The following MARCHF6 variants were observed in gnomAD, a reference collection of about 807,000 sequenced individuals.
MARCHF6 encodes E3 ubiquitin-protein ligase MARCHF6.
MARCHF6 carries 31 observed loss-of-function variants against 133.7 expected under a neutral mutation model. The ratio of observed to expected loss-of-function variants is 0.23; its 90% CI spans 0.17 to 0.31. The LOEUF is 0.31. Ranked by LOEUF, MARCHF6 falls within the 10% of genes least tolerant of loss-of-function variation. MARCHF6 has a pLI of 1.00. For missense variants in MARCHF6, 723 were observed against 1,121.6 expected, an observed-to-expected ratio of 0.64 and a Z score of 5.08; for synonymous variants, 395 against 402.5, an observed-to-expected ratio of 0.98 and a Z score of 0.22.
rs538481727 is a variant in MARCHF6, at chr5:10,394,262, T to G, written c.828+119T>G. On this transcript the variant is annotated intron_variant, in intron 8 of 25. Coordinates refer to ENST00000274140, the MANE Select transcript of MARCHF6 (RefSeq NM_005885.4). ...TACAGTTGATGAAAAGTTACTAGAA[T>G]TTTCATTCCTAGTGAAAGTTAAGTG... is the stretch of plus-strand genomic sequence containing the variant. 4.4e-4 allele frequency: 229 copies of G among 522,242 alleles called. 1 individual carries two copies. Among genetic ancestry groups the G allele is most frequent in the Non-Finnish European group, 6.5e-4 (206 of 316,176 alleles). The allele number at this position is 522,242 out of a possible 1,614,324, so 32.4% of individuals were successfully genotyped here.
rs180813452 is a variant in MARCHF6 at position 10,391,347 on chromosome 5, G to A, written c.577-195G>A. On this transcript the variant is annotated intron_variant, in intron 6 of 25. Coordinates refer to ENST00000274140, the MANE Select transcript of MARCHF6 (RefSeq NM_005885.4). ...AGGGTCTTGCTGTGCTGGCCAGGCT[G>A]GTCTTGAACTCTTGAGCTCAAGCAA... is the stretch of plus-strand genomic sequence containing the variant. Among the ~76,000 whole-genome samples the A allele has an allele frequency of 3.3e-5, 5 of 150,512 alleles. No individual in the cohort carries two copies. In the East Asian group the frequency reaches 1.0e-3, roughly 30 times the overall value.
intron 22 of MARCHF6, 105 bp downstream of exon 22, chr5:10,417,509 G>A: frequency 6.9e-7 from 1 of 1,452,810 alleles, no homozygotes; most frequent in Non-Finnish European, 9.5e-7. Flanking sequence ...ACTTTGGGAG[G>A]CTGAGGTGGG....
intron 1 of MARCHF6, among the ~76,000 whole-genome samples, chr5:10,368,024 A>G (rs767709343): frequency 7.9e-5 from 12 of 152,110 alleles, no homozygotes; most frequent in Non-Finnish European, 1.5e-4. Context: ...TACGAATCTG[A>G]TGGGGGGGAG....
intron 16 of MARCHF6, among the ~76,000 whole-genome samples, chr5:10,405,951 C>T (rs985722510): frequency 2.0e-5 from 3 of 152,048 alleles, no homozygotes; most frequent in African/African-American, 7.3e-5. Flanking sequence ...TGGCTGGGTA[C>T]TGGTGCATGT....
chr5:10,439,811 C>G lies in MARCHF6; in HGVS notation c.*6127C>G, dbSNP rs1234347648. The G allele has an allele frequency of 6.6e-6, 1 of 152,574 alleles. No homozygotes were observed. The highest frequency in any genetic ancestry group is 1.5e-5 in the Non-Finnish European group (1 of 68,218). 9.5% of individuals were successfully genotyped at this position (152,574 alleles called of 1,614,324 possible). On this transcript the variant is annotated 3_prime_UTR_variant, in exon 26 of 26. Transcript: ENST00000274140. Reference sequence around the variant, plus strand: ...GGGCAAAACATGAAGCACCCCTTTTCTCCCTTCTCTGACCCCATCACCTCT... The same window carrying G: ...GGGCAAAACATGAAGCACCCCTTTTGTCCCTTCTCTGACCCCATCACCTCT...
intron 1 of MARCHF6, among the ~76,000 whole-genome samples, chr5:10,369,608 C>G (rs868736440): frequency 4.9e-5 from 1 of 20,600 alleles, no homozygotes; most frequent in African/African-American, 9.8e-5. Flanking sequence ...CCATTACCCC[C>G]CCCCCCCCTT....
chr5:10,428,697 C>T (rs778095686), intron 24 of MARCHF6, among the ~76,000 whole-genome samples: 17 of 152,272 alleles, frequency 1.1e-4, no homozygotes, highest in Admixed American at 7.8e-4. Flanking sequence ...CTCTTTAGAA[C>T]AATCTCTTTA....
chr5:10,405,336 C>G (rs996158662), intron 15 of MARCHF6, among the ~76,000 whole-genome samples: 1 of 151,978 alleles, frequency 6.6e-6, no homozygotes, highest in Non-Finnish European at 1.5e-5. Context: ...TCCCCCGCCC[C>G]TAGTGAATGA....
rs758120721 is a variant in MARCHF6 at position 10,410,132 on chromosome 5, C to CT, written c.1554-4dup. The stretch of plus-strand genomic sequence containing the variant: ...ACAATTCACATTATAAATCCTGCCT[C>CT]TTTCAGTGATGCTCCAGTGAGTGAA... On this transcript the variant is annotated splice_region_variant and splice_polypyrimidine_tract_variant and intron_variant, in intron 17 of 25. Coordinates refer to ENST00000274140, the MANE Select transcript of MARCHF6 (RefSeq NM_005885.4). 7.0e-5 allele frequency: 113 copies of CT among 1,613,462 alleles called. 2 individuals carry two copies. In the Middle Eastern group the frequency reaches 4.5e-3, roughly 64 times the overall value.
intron 1 of MARCHF6, among the ~76,000 whole-genome samples, chr5:10,369,633 C>A (rs1329834311): frequency 9.0e-6 from 1 of 111,028 alleles, no homozygotes; most frequent in Non-Finnish European, 1.7e-5. Context: ...ATATCCTTTA[C>A]CCTTTTATGG....
At chr5:10,424,721 G>C (rs1044382036) in intron 23 of MARCHF6, among the ~76,000 whole-genome samples, 4 of 152,264 alleles carry the variant, frequency 2.6e-5, no homozygotes, top group Non-Finnish European at 4.4e-5. Context: ...GATTTGGAGT[G>C]GGGGAAAGGT....
chr5:10,395,167 T>C (rs1738116914), intron 9 of MARCHF6, among the ~76,000 whole-genome samples: 2 of 152,232 alleles, frequency 1.3e-5, no homozygotes, highest in Non-Finnish European at 2.9e-5. Context: ...ATTTATAGTA[T>C]GTAGTAAAGG....
chr5:10,436,318 G>T lies in MARCHF6; in HGVS notation c.*2634G>T, dbSNP rs1240291460. The T allele has an allele frequency of 6.6e-6, 1 of 151,910 alleles. No individual in the cohort carries two copies. 9.4% of individuals were successfully genotyped at this position (151,910 alleles called of 1,614,324 possible). On this transcript the variant is annotated 3_prime_UTR_variant, in exon 26 of 26. Transcript: ENST00000274140. ...CCTAGTTTTTCAATTGTACTTTATC[G>T]TGTTGTTTTCAATGAGATAAGTATT... is the stretch of plus-strand genomic sequence containing the variant.
rs1740786134 is a variant in MARCHF6, at chr5:10,439,748, A to G, written c.*6064A>G. The G allele has an allele frequency of 6.6e-6, 1 of 152,336 alleles. No homozygotes were observed. The highest frequency in any genetic ancestry group is 2.1e-4 in the South Asian group (1 of 4,834). 9.4% of individuals were successfully genotyped at this position (152,336 alleles called of 1,614,324 possible). On this transcript the variant is annotated 3_prime_UTR_variant, in exon 26 of 26. Transcript: ENST00000274140. ...AACCCTCAGAACTCTCCAATAGACG[A>G]CCATGGCACTCAAAAGTCCACAATA...
rs1453078054 is a variant in MARCHF6, at chr5:10,438,770, C to T, written c.*5086C>T. ...GGTATGAATAAAATGCCATGGGGAA[C>T]ACAGAGAAAGGTTCACCCGGGAGAG... On this transcript the variant is annotated 3_prime_UTR_variant, in exon 26 of 26. Coordinates refer to ENST00000274140, the MANE Select transcript of MARCHF6 (RefSeq NM_005885.4). 6.6e-6 allele frequency: 1 copy of T among 152,156 alleles called. No homozygotes were observed. Among genetic ancestry groups the T allele is most frequent in the Non-Finnish European group, 1.5e-5 (1 of 68,032 alleles). 9.4% of individuals were successfully genotyped at this position (152,156 alleles called of 1,614,324 possible).
At chr5:10,359,387 T>C (rs935491119) in intron 1 of MARCHF6, among the ~76,000 whole-genome samples, 3 of 152,162 alleles carry the variant, frequency 2.0e-5, no homozygotes, top group Admixed American at 6.5e-5. Context: ...TTAATTTTTT[T>C]CTCTAGCTTT....
intron 25 of MARCHF6, among the ~76,000 whole-genome samples, chr5:10,430,381 C>T (rs757259731): frequency 2.0e-5 from 3 of 148,964 alleles, no homozygotes; most frequent in Non-Finnish European, 4.4e-5. Flanking sequence ...ACTTGGCTCA[C>T]TGCAACCTCC....
In MARCHF6 at chr5:10,426,516, T is replaced by G. The variant is rs372110273; in HGVS notation, c.2500T>G (p.Leu834Val). Residue 834 changes from leucine to valine, a missense_variant, in exon 24 of 26, where the codon TTA becomes GTA. By Grantham distance (32) the Leu-to-Val change is conservative (BLOSUM62 1). Coordinates refer to ENST00000274140, the MANE Select transcript of MARCHF6 (RefSeq NM_005885.4). ...TGTCATAGCTTCTGGTGTTGTTCCTTTACTAGGTACGTAATGCTGGTTGTG... is the reference window on the plus strand; with the variant it reads ...TGTCATAGCTTCTGGTGTTGTTCCTGTACTAGGTACGTAATGCTGGTTGTG... ...PYVIASGVVP[L>V]LGVTAEMQNL... 135 of 1,613,894 alleles carry G rather than the reference T, an allele frequency of 8.4e-5. No homozygotes were observed. The highest frequency in any genetic ancestry group is 1.1e-4 in the Non-Finnish European group (124 of 1,179,962).
At chr5:10,421,363 C>T (rs1033663755) in intron 22 of MARCHF6, among the ~76,000 whole-genome samples, 1 of 152,170 alleles carries the variant, frequency 6.6e-6, no homozygotes, top group African/African-American at 2.4e-5. Flanking sequence ...GTTTTGATAT[C>T]GATAGCTCCC....
Sources: gnomAD v4.1 joint callset for allele counts (sites outside exome capture counted in the v4.1 genomes callset) on GRCh38, gnomAD v4.1.1 for gene constraint, MANE v1.5 for transcripts, NCBI Gene and HGNC (gene_info 2026-07-23, HGNC 2026-07-21) for gene names.